The following RABGAP1L variants were observed in gnomAD, a reference collection of about 807,000 sequenced individuals.
RABGAP1L encodes RAB GTPase activating protein 1 like.
Under a neutral mutation model 137.7 loss-of-function variants are expected in RABGAP1L, and 63 were observed. That is an observed-to-expected ratio of 0.46 (90% confidence interval 0.37 to 0.56). RABGAP1L has a LOEUF of 0.56. RABGAP1L is among the 20% of genes least tolerant of loss of function. The pLI, the probability that RABGAP1L is intolerant of heterozygous loss-of-function variation, is 0.00. For missense variants in RABGAP1L, 1,095 were observed against 1,244.0 expected (o/e 0.88, Z 1.80); for synonymous variants, 431 against 433.7 (o/e 0.99, Z 0.08).
chr1:174,489,516 A>G (rs1660009637), intron 13 of RABGAP1L, among the ~76,000 whole-genome samples: 1 of 151,836 alleles, frequency 6.6e-6, no homozygotes, highest in African/African-American at 2.4e-5. Flanking sequence ...GATCATTAAA[A>G]AGTCAGGAAA....
chr1:174,455,137 C>T (rs1457899800), intron 13 of RABGAP1L, among the ~76,000 whole-genome samples: 2 of 152,070 alleles, frequency 1.3e-5, no homozygotes, highest in African/African-American at 4.8e-5. Context: ...CACATATCAC[C>T]ACCTTCATTA....
intron 19 of RABGAP1L, among the ~76,000 whole-genome samples, chr1:174,916,598 G>C (rs1376858875): frequency 6.6e-6 from 1 of 152,180 alleles, no homozygotes; most frequent in African/African-American, 2.4e-5. Context: ...AAACAAGAAA[G>C]ATCTTCATTT....
intron 21 of RABGAP1L, among the ~76,000 whole-genome samples, chr1:174,974,365 A>G (rs1420198739): frequency 6.6e-6 from 1 of 152,112 alleles, no homozygotes; most frequent in Non-Finnish European, 1.5e-5. Flanking sequence ...CTTTGTGAGT[A>G]ACCTCAGTCA....
chr1:174,986,604 G>C (rs763244), intron 24 of RABGAP1L, among the ~76,000 whole-genome samples: 147,990 of 152,364 alleles, frequency 0.97, 71,921 homozygotes, highest in East Asian at 1. Flanking sequence ...CATGTAGCAC[G>C]AGGCTCGGTA....
intron 15 of RABGAP1L, among the ~76,000 whole-genome samples, chr1:174,689,734 A>T (rs1678741033): frequency 6.6e-6 from 1 of 152,134 alleles, no homozygotes; most frequent in Non-Finnish European, 1.5e-5. Context: ...TTCCTGTTGG[A>T]CTTTGGCCTG....
At chr1:174,412,002 A>G (rs1338250197) in intron 13 of RABGAP1L, among the ~76,000 whole-genome samples, 1 of 152,060 alleles carries the variant, frequency 6.6e-6, no homozygotes, top group Non-Finnish European at 1.5e-5. Context: ...GTCCAACTGG[A>G]CAAGTGTCAA....
At chr1:174,162,768 TCTC>T (rs1557991378) in intron 1 of RABGAP1L, among the ~76,000 whole-genome samples, 8 of 128,174 alleles carry the variant, frequency 6.2e-5, no homozygotes, top group Admixed American at 8.1e-5. Flanking sequence ...TTTTTTTTTT[TCTC>T]TTTCTGTTTT....
intron 13 of RABGAP1L, among the ~76,000 whole-genome samples, chr1:174,532,959 G>T (rs1465481879): frequency 6.6e-6 from 1 of 152,198 alleles, no homozygotes; most frequent in Non-Finnish European, 1.5e-5. Flanking sequence ...CTATAGCCGG[G>T]CACAGTGGCT....
At chr1:174,773,163 G>GGTGTGTGTGTGTGTGTGT (rs9286899) in intron 18 of RABGAP1L, among the ~76,000 whole-genome samples, 25,720 of 149,466 alleles carry the variant, frequency 0.17, 2,458 homozygotes, top group South Asian at 0.24. Flanking sequence ...TAAGCTATGG[G>GGTGTGTGTGTGTGTGTGT]GTGTGTGTGT....
chr1:174,950,863 C>A (rs945798873), intron 19 of RABGAP1L, among the ~76,000 whole-genome samples: 2 of 152,048 alleles, frequency 1.3e-5, no homozygotes, highest in Non-Finnish European at 2.9e-5. Context: ...GTCATATCAG[C>A]CTTTAAAAAA....
At position 174,634,002 on chromosome 1, in the gene RABGAP1L, A is replaced by G. The variant is rs1457492080; in HGVS notation, c.1711-3373A>G. ...AGGACTTCATGTCCAAAACACCAAA[A>G]GCAATGGCAACAAAAGACAAAATTG... On this transcript the variant is annotated intron_variant, in intron 13 of 25. Coordinates refer to ENST00000681986, the MANE Select transcript of RABGAP1L (RefSeq NM_001366446.1). Among the ~76,000 whole-genome samples the G allele has an allele frequency of 2.8e-5, 3 of 107,312 alleles. 1 individual carries two copies. Among genetic ancestry groups the G allele is most frequent in the Non-Finnish European group, 5.5e-5 (3 of 54,166 alleles). The allele number at this position is 107,312 out of a possible 152,430, so 70.4% of individuals were successfully genotyped here. A position where few individuals can be genotyped will look rare whatever the true frequency, so the allele number is the denominator to read the frequency against.
At chr1:174,671,967 G>T (rs1677208248) in intron 14 of RABGAP1L, among the ~76,000 whole-genome samples, 1 of 151,986 alleles carries the variant, frequency 6.6e-6, no homozygotes, top group Admixed American at 6.6e-5. Context: ...GTTGATAGGA[G>T]ACTTTTTATT....
intron 13 of RABGAP1L, among the ~76,000 whole-genome samples, chr1:174,414,825 C>G (rs1650364223): frequency 6.6e-6 from 1 of 151,708 alleles, no homozygotes; most frequent in African/African-American, 2.4e-5. Context: ...AGTGTAGTTG[C>G]TAATATGCAC....
At chr1:174,560,094 A>T (rs1667111744) in intron 13 of RABGAP1L, among the ~76,000 whole-genome samples, 1 of 152,014 alleles carries the variant, frequency 6.6e-6, no homozygotes, top group South Asian at 2.1e-4. Context: ...AGACCACGCC[A>T]CTGCACTCTA....
chr1:174,299,838 C>A (rs966986892), intron 10 of RABGAP1L, among the ~76,000 whole-genome samples: 1 of 152,150 alleles, frequency 6.6e-6, no homozygotes, highest in Non-Finnish European at 1.5e-5. Context: ...GTTACAGTCT[C>A]CAAAGTTATC....
At chr1:174,957,348 A>T in intron 19 of RABGAP1L, 109 bp from the exon 20 acceptor site, 1 of 797,748 alleles carries the variant, frequency 1.3e-6, no homozygotes, top group Non-Finnish European at 2.1e-6. Context: ...CCTAACTTTG[A>T]GTTGAGCATG....
At chr1:174,202,907 G>A (rs1392993078) in intron 1 of RABGAP1L, among the ~76,000 whole-genome samples, 6 of 152,058 alleles carry the variant, frequency 3.9e-5, no homozygotes, top group Admixed American at 6.6e-5. Flanking sequence ...ATTAAATAGG[G>A]AATCCTTTCC....
intron 11 of RABGAP1L, among the ~76,000 whole-genome samples, chr1:174,308,061 T>G (rs1004441080): frequency 1.3e-5 from 2 of 152,034 alleles, no homozygotes; most frequent in Non-Finnish European, 2.9e-5. Flanking sequence ...CCCTTATGAT[T>G]AGTGATGTTG....
At chr1:174,238,033 G>A (rs1571709665) in intron 4 of RABGAP1L, among the ~76,000 whole-genome samples, 1 of 151,274 alleles carries the variant, frequency 6.6e-6, no homozygotes, top group African/African-American at 2.4e-5. Context: ...ATCTTCCATT[G>A]CTGATACCCT....
Sources: allele counts gnomAD v4.1 joint callset (sites outside exome capture counted in the v4.1 genomes callset), GRCh38; gene constraint gnomAD v4.1.1; transcripts MANE v1.5; gene names NCBI Gene and HGNC (gene_info 2026-07-23, HGNC 2026-07-21).